MTSS1: variants seen among roughly 807,000 people sequenced by gnomAD.
The protein encoded by MTSS1 is MTSS I-BAR domain containing 1.
Under a neutral mutation model 79.0 loss-of-function variants are expected in MTSS1, and 18 were observed. That is an observed-to-expected ratio of 0.23 (90% CI 0.16 to 0.34). The LOEUF is 0.34. MTSS1 is among the 10% of genes least tolerant of loss of function. The probability of loss-of-function intolerance (pLI) is 1.00; values close to 1 mark genes in which losing one functional copy is unlikely to be tolerated. For synonymous variants in MTSS1, 341 were observed against 368.6 expected (o/e 0.93, Z 0.86); for missense variants, 815 against 986.2 (o/e 0.83, Z 2.33).
intron 3 of MTSS1, among the ~76,000 whole-genome samples, chr8:124,640,837 C>T (rs145935660): frequency 2.0e-5 from 3 of 152,164 alleles, no homozygotes; most frequent in African/African-American, 4.8e-5. Flanking sequence ...CCACCGTGCC[C>T]GGCCTCAACC....
At chr8:124,721,811 T>G (rs925140153) in intron 1 of MTSS1, among the ~76,000 whole-genome samples, 1 of 152,210 alleles carries the variant, frequency 6.6e-6, no homozygotes, top group Non-Finnish European at 1.5e-5. Context: ...CCCAAGGCAC[T>G]GATCAGAGCC....
intron 1 of MTSS1, 147 bp from the exon 2 acceptor site, chr8:124,704,338 T>C: frequency 2.8e-6 from 2 of 711,746 alleles, no homozygotes; most frequent in East Asian, 5.1e-5. Flanking sequence ...CCGGATTCTA[T>C]ATACATGTAT....
intron 1 of MTSS1, among the ~76,000 whole-genome samples, chr8:124,720,874 T>C (rs1832808778): frequency 6.6e-6 from 1 of 152,196 alleles, no homozygotes; most frequent in South Asian, 2.1e-4. Context: ...CAAGCAATGT[T>C]TCACTTCAGA....
chr8:124,611,203 C>A (rs1563855470), intron 3 of MTSS1, among the ~76,000 whole-genome samples: 1 of 150,510 alleles, frequency 6.6e-6, no homozygotes, highest in Non-Finnish European at 1.5e-5. Flanking sequence ...TCTTTTGAGA[C>A]AAATGCACAT....
At chr8:124,694,694 A>C (rs1828513595) in intron 3 of MTSS1, among the ~76,000 whole-genome samples, 1 of 151,990 alleles carries the variant, frequency 6.6e-6, no homozygotes, top group Non-Finnish European at 1.5e-5. Context: ...TAAGTAGCCC[A>C]GACAAATGCA....
At chr8:124,693,123 A>G (rs755835908) in intron 3 of MTSS1, among the ~76,000 whole-genome samples, 2 of 152,016 alleles carry the variant, frequency 1.3e-5, no homozygotes, top group African/African-American at 2.4e-5. Context: ...CAGGGTGAAG[A>G]AGGGGAGGGC....
At chr8:124,608,384 T>G (rs1318929485) in intron 3 of MTSS1, among the ~76,000 whole-genome samples, 1 of 152,236 alleles carries the variant, frequency 6.6e-6, no homozygotes, top group East Asian at 1.9e-4. Context: ...ACATGTCCCA[T>G]GGATGAGCAC....
intron 3 of MTSS1, among the ~76,000 whole-genome samples, chr8:124,642,094 G>A (rs1818157851): frequency 6.6e-6 from 1 of 152,164 alleles, no homozygotes; most frequent in African/African-American, 2.4e-5. Flanking sequence ...TAACCACCAT[G>A]TGGTTTTGGT....
chr8:124,662,576 C>T (rs1370413835), intron 3 of MTSS1, among the ~76,000 whole-genome samples: 1 of 152,138 alleles, frequency 6.6e-6, no homozygotes, highest in Non-Finnish European at 1.5e-5. Context: ...TCCTGACGCA[C>T]CCTCTGAAGA....
chr8:124,692,425 C>T (rs180821143), intron 3 of MTSS1, among the ~76,000 whole-genome samples: 18 of 151,922 alleles, frequency 1.2e-4, no homozygotes, highest in African/African-American at 2.9e-4. Flanking sequence ...TCTAATTACA[C>T]GAAAGAGTTC....
chr8:124,723,742 C>A (rs1261597087), intron 1 of MTSS1, among the ~76,000 whole-genome samples: 7 of 152,166 alleles, frequency 4.6e-5, no homozygotes, highest in Non-Finnish European at 8.8e-5. Context: ...CAAATACAAC[C>A]ATTTGCTAAG....
At position 124,728,004 on chromosome 8, in the gene MTSS1, G is replaced by C. The variant is rs1381325405; in HGVS notation, c.-49C>G. 3.2e-6 allele frequency: 5 copies of C among 1,548,454 alleles called. No homozygotes were observed. Among genetic ancestry groups the C allele is most frequent in the Non-Finnish European group, 4.4e-6 (5 of 1,129,288 alleles). Reference sequence around the variant, plus strand: ...GGCACACACGCGGGGCCGCTGGACTGCGCGCGGGGCCGGGGCTCGCTCACC... The same window carrying C: ...GGCACACACGCGGGGCCGCTGGACTCCGCGCGGGGCCGGGGCTCGCTCACC... On this transcript the variant is annotated 5_prime_UTR_variant, in exon 1 of 14. Coordinates refer to ENST00000518547, the MANE Select transcript of MTSS1 (RefSeq NM_014751.6). The surrounding 1 kb of genome is among the most constrained non-coding windows in gnomAD (Gnocchi z 6.1).
chr8:124,559,724 A>G (rs1299988157), intron 10 of MTSS1, among the ~76,000 whole-genome samples: 1 of 152,200 alleles, frequency 6.6e-6, no homozygotes, highest in Non-Finnish European at 1.5e-5. Context: ...CTGGTGCTCA[A>G]AACATAATGA....
At position 124,609,010 on chromosome 8, in the gene MTSS1, A is replaced by G. The variant is rs185382396; in HGVS notation, c.209-17775T>C. On this transcript the variant is annotated intron_variant, in intron 3 of 13. Transcript: ENST00000518547. The stretch of plus-strand genomic sequence containing the variant: ...GATTCAGCATATCTGACAAGTTCCC[A>G]GAAGATACTGACTTGCTGCTAGACT... Among the ~76,000 whole-genome samples the G allele has an allele frequency of 1.8e-4, 27 of 152,354 alleles. No homozygotes were observed. In the East Asian group the frequency reaches 5.0e-3, roughly 28 times the overall value.
At chr8:124,724,820 TGCAGTCAAGATCGTCTACACATCGGAAG>T (rs1833447680) in intron 1 of MTSS1, among the ~76,000 whole-genome samples, 1 of 152,170 alleles carries the variant, frequency 6.6e-6, no homozygotes, top group Non-Finnish European at 1.5e-5. Context: ...ACCTCCTTGA[TGCAGTCAAGATCGTCTACACATCGGAAG>T]GCAGTCAACA....
At chr8:124,589,124 G>A (rs769582251) in intron 5 of MTSS1, among the ~76,000 whole-genome samples, 3 of 151,782 alleles carry the variant, frequency 2.0e-5, no homozygotes, top group Non-Finnish European at 4.4e-5. Context: ...TCTGACTCCC[G>A]GGTTCAAGCG....
At chr8:124,621,449 G>C (rs1446110572) in intron 3 of MTSS1, among the ~76,000 whole-genome samples, 1 of 152,200 alleles carries the variant, frequency 6.6e-6, no homozygotes, top group African/African-American at 2.4e-5. Context: ...AGGCCCATGG[G>C]CAGAAGGGGT....
chr8:124,646,780 T>C (rs978845769), intron 3 of MTSS1, among the ~76,000 whole-genome samples: 1 of 151,712 alleles, frequency 6.6e-6, no homozygotes, highest in Non-Finnish European at 1.5e-5. Flanking sequence ...TAAAAGCTAT[T>C]TTCCTCATGG....
At chr8:124,668,042 C>A (rs1171982891) in intron 3 of MTSS1, among the ~76,000 whole-genome samples, 1 of 152,000 alleles carries the variant, frequency 6.6e-6, no homozygotes, top group Non-Finnish European at 1.5e-5. Context: ...GAGCCATGAT[C>A]GCGCCACTGC....
Sources: allele counts gnomAD v4.1 joint callset (sites outside exome capture counted in the v4.1 genomes callset), GRCh38; gene constraint gnomAD v4.1.1; non-coding constraint Gnocchi (gnomAD v3.1); transcripts MANE v1.5; gene names NCBI Gene and HGNC (gene_info 2026-07-23, HGNC 2026-07-21).